COPZ2: variants seen among roughly 807,000 people sequenced by gnomAD.
The protein encoded by COPZ2 is coat protein complex I subunit zeta 2.
Under a neutral mutation model 33.2 loss-of-function variants are expected in COPZ2, and 30 were observed. The ratio of observed to expected loss-of-function variants is 0.90; its 90% CI spans 0.68 to 1.23. The LOEUF (loss-of-function observed/expected upper bound fraction) is 1.23. Ranked by LOEUF, COPZ2 falls within the 50% of genes most tolerant of loss-of-function variation. COPZ2 has a pLI of 0.00. For synonymous variants in COPZ2, 89 were observed against 102.6 expected (o/e 0.87, Z 0.80); for missense variants, 263 against 262.4 (o/e 1.00, Z -0.02).
At position 48,028,476 on chromosome 17, in the gene COPZ2, G is replaced by T. The variant is rs775088925; in HGVS notation, c.581C>A (p.Ala194Asp). ...GGCAGATGCAGGGGGGCCTACCTGG[G>T]CCACACTCTGTTCAGTCAAGCCGCC... The part of the protein sequence containing the change: ...DDGGLTEQSV[A>D]QVLQSAKEQI... Residue 194 changes from alanine to aspartate, a missense_variant, in exon 8 of 9, where the codon GCC (alanine) becomes GAC (aspartate). Ala to Asp is a moderately radical substitution (Grantham distance 126). Transcript: ENST00000621465. The surrounding 1 kb of genome is among the most constrained non-coding windows in gnomAD (Gnocchi z 4.5). 5.6e-6 allele frequency: 9 copies of T among 1,609,440 alleles called. No homozygotes were observed. The highest frequency in any genetic ancestry group is 2.2e-5 in the East Asian group (1 of 44,748).
intron 6 of COPZ2, among the ~76,000 whole-genome samples, chr17:48,031,446 A>C (rs2036893282): frequency 6.8e-6 from 1 of 146,010 alleles, no homozygotes; most frequent in African/African-American, 2.6e-5. Flanking sequence ...ACAGAGCGAG[A>C]CTCTGTCTCA....
At chr17:48,046,781 G>C in the COPZ2 span, 1 of 152,162 alleles carries the variant, frequency 6.6e-6, no homozygotes, top group Non-Finnish European at 1.5e-5. Context: ...CTTTTAACAG[G>C]AAAATCAGAG....
upstream of COPZ2, among the ~76,000 whole-genome samples, chr17:48,038,764 C>G (rs980465006): frequency 1.3e-5 from 2 of 152,254 alleles, no homozygotes; most frequent in Middle Eastern, 3.4e-3. Flanking sequence ...ATGTTGTGGA[C>G]CACAGTCACT....
chr17:48,037,836 G>T, upstream of COPZ2: 1 of 833,842 alleles, frequency 1.2e-6, no homozygotes, highest in Non-Finnish European at 1.3e-6. This position sits in a 1 kb window ranked among gnomAD's most constrained non-coding sequence, Gnocchi z 5.6. Context: ...CCGCCGCCCC[G>T]CCTCCGCGCC....
At position 48,029,542 on chromosome 17, in the gene COPZ2, GAGTT is replaced by G. The variant is rs1208883274; in HGVS notation, c.495-370_495-367del. ...TATAGGATTGGATTCCCTGTGAAAA[GAGTT>G]AGGAAGAGAGGCCCTGGGGGTTCTT... On this transcript the variant is annotated intron_variant, in intron 6 of 8. Coordinates refer to ENST00000621465, the MANE Select transcript of COPZ2 (RefSeq NM_016429.4). The G allele has an allele frequency of 6.9e-3, 2,163 of 315,576 alleles. 57 individuals are homozygous for G. Among genetic ancestry groups the G allele is most frequent in the African/African-American group, 0.044 (1,963 of 44,896 alleles). The allele number at this position is 315,576 out of a possible 1,614,324, so 19.5% of individuals were successfully genotyped here. A position where few individuals can be genotyped will look rare whatever the true frequency, so the allele number is the denominator to read the frequency against.
In COPZ2 at chr17:48,028,441, T is replaced by A. The variant is rs1385229679; in HGVS notation, c.585+31A>T. ...TGCTCCCCGTATCTCTCTAGACCAT[T>A]TCTAGCCAAGGCAGATGCAGGGGGG... is the stretch of plus-strand genomic sequence containing the variant. On this transcript the variant is annotated intron_variant, in intron 8 of 8. Transcript: ENST00000621465. This position sits in a 1 kb window ranked among gnomAD's most constrained non-coding sequence, Gnocchi z 4.5. 6.2e-7 allele frequency: 1 copy of A among 1,603,290 alleles called. No individual in the cohort carries two copies. The highest frequency in any genetic ancestry group is 1.1e-5 in the South Asian group (1 of 88,862).
chr17:48,032,829 G>A (rs2036914573), intron 4 of COPZ2, 88 bp from the exon 5 acceptor site: 1 of 1,059,750 alleles, frequency 9.4e-7, no homozygotes, highest in Admixed American at 2.0e-5. Flanking sequence ...TGTGCGGGCA[G>A]CAATGGAGAG....
At chr17:48,039,793 T>G (rs1438120258), upstream of COPZ2, among the ~76,000 whole-genome samples, 1 of 152,130 alleles carries the variant, frequency 6.6e-6, no homozygotes, top group Admixed American at 6.6e-5. Context: ...CAGGCTGGAG[T>G]ACAGTGGTGT....
At chr17:48,029,345 G>A in intron 6 of COPZ2, 169 bp from the exon 7 acceptor site, 1 of 691,204 alleles carries the variant, frequency 1.4e-6, no homozygotes, top group Non-Finnish European at 2.6e-6. Context: ...TCAGCATGGA[G>A]AGCCCTCAGC....
upstream of COPZ2, among the ~76,000 whole-genome samples, chr17:48,038,369 A>T (rs2037025321): frequency 3.3e-5 from 5 of 152,186 alleles, no homozygotes. Context: ...ATCAGAAGCA[A>T]GACAGACGCC....
At chr17:48,030,902 C>G (rs566097990) in intron 6 of COPZ2, among the ~76,000 whole-genome samples, 11 of 152,262 alleles carry the variant, frequency 7.2e-5, no homozygotes, top group African/African-American at 2.6e-4. Flanking sequence ...CTTCTGGCTC[C>G]CCAAAACCTG....
At position 48,037,417 on chromosome 17, in the gene COPZ2, G is replaced by A. The variant is rs2037005643; in HGVS notation, c.111+250C>T. The stretch of plus-strand genomic sequence containing the variant: ...CACTCCTTACCCTCCCCGCGGAATC[G>A]CAACTCACCCGCCACCCCCACTCCA... On this transcript the variant is annotated intron_variant, in intron 1 of 8. Coordinates refer to ENST00000621465, the MANE Select transcript of COPZ2 (RefSeq NM_016429.4). This position sits in a 1 kb window ranked among gnomAD's most constrained non-coding sequence, Gnocchi z 5.6. Among the ~76,000 whole-genome samples, 1 of 152,066 alleles carries A rather than the reference G, an allele frequency of 6.6e-6. No homozygotes were observed. Among genetic ancestry groups the A allele is most frequent in the Non-Finnish European group, 1.5e-5 (1 of 68,002 alleles).
At chr17:48,040,489 G>C (rs2037051227), upstream of COPZ2, among the ~76,000 whole-genome samples, 2 of 148,538 alleles carry the variant, frequency 1.3e-5, no homozygotes, top group South Asian at 4.3e-4. Context: ...CTGGAGTGCA[G>C]TGGCGAGATC....
the COPZ2 span, chr17:48,046,047 G>A: frequency 6.6e-6 from 1 of 152,086 alleles, no homozygotes; most frequent in Non-Finnish European, 1.5e-5. Context: ...CCAGGCCTAG[G>A]CCTGCTGTTG....
chr17:48,027,510 C>T (rs1211539809), intron 8 of COPZ2, among the ~76,000 whole-genome samples: 3 of 152,202 alleles, frequency 2.0e-5, no homozygotes, highest in Non-Finnish European at 4.4e-5. Flanking sequence ...CCCATGAGCA[C>T]CTGTGTTCTT....
chr17:48,034,304 C>A (rs1373718261), intron 2 of COPZ2, among the ~76,000 whole-genome samples: 1 of 152,150 alleles, frequency 6.6e-6, no homozygotes, highest in Admixed American at 6.6e-5. Context: ...CAGGGTTTCT[C>A]CATGTTGGTC....
rs1183546580 is a variant in COPZ2 at position 48,037,223 on chromosome 17, C to T, written c.112-298G>A. The T allele has an allele frequency of 1.6e-6, 1 of 632,430 alleles. No homozygotes were observed. The highest frequency in any genetic ancestry group is 3.0e-6 in the Non-Finnish European group (1 of 331,008). 39.2% of individuals were successfully genotyped at this position (632,430 alleles called of 1,614,324 possible). On this transcript the variant is annotated intron_variant, in intron 1 of 8. Coordinates refer to ENST00000621465, the MANE Select transcript of COPZ2 (RefSeq NM_016429.4). The surrounding 1 kb of genome is among the most constrained non-coding windows in gnomAD (Gnocchi z 5.6). The stretch of plus-strand genomic sequence containing the variant: ...CTCCAGAGCCCGAGTCGGAGTGTAT[C>T]ACAGAACCTGGGCCGGGGGGGACAG...
intron 4 of COPZ2, 71 bp from the exon 5 acceptor site, chr17:48,032,812 G>A: frequency 7.9e-7 from 1 of 1,270,578 alleles, no homozygotes; most frequent in South Asian, 1.3e-5. Flanking sequence ...AGCACTTGGA[G>A]CCCACCTGTG....
At position 48,036,935 on chromosome 17, in the gene COPZ2, G is replaced by C. The variant is rs571221222; in HGVS notation, c.112-10C>G. On this transcript the variant is annotated splice_polypyrimidine_tract_variant and intron_variant, in intron 1 of 8. Transcript: ENST00000621465. ...GGGAAGGTTCCTGCAACTGACACCG[G>C]AGAGGAGAGTTCCGTTTGGCCCCTG... 1 of 1,612,880 alleles carries C rather than the reference G, an allele frequency of 6.2e-7. No individual in the cohort carries two copies. Among genetic ancestry groups the C allele is most frequent in the Non-Finnish European group, 8.5e-7 (1 of 1,179,018 alleles).
Sources: gnomAD v4.1 joint callset for allele counts (sites outside exome capture counted in the v4.1 genomes callset) on GRCh38, gnomAD v4.1.1 for gene constraint, Gnocchi (gnomAD v3.1) non-coding constraint, MANE v1.5 for transcripts, NCBI Gene and HGNC (gene_info 2026-07-23, HGNC 2026-07-21) for gene names.